The following ZNF641 variants were observed in gnomAD, a reference collection of about 807,000 sequenced individuals.
The protein encoded by ZNF641 is zinc finger protein 641.
In ZNF641, 26 loss-of-function variants were observed where a neutral mutation model predicts 46.2. The ratio of observed to expected loss-of-function variants is 0.56; its 90% confidence interval spans 0.41 to 0.78. The LOEUF (loss-of-function observed/expected upper bound fraction) is 0.78, where lower values mean the gene tolerates loss of function less well. Among genes scored for constraint, ZNF641 ranks in the 30% least tolerant of loss-of-function variants. The probability of loss-of-function intolerance (pLI) is 0.00; values close to 1 mark genes in which losing one functional copy is unlikely to be tolerated. For synonymous variants in ZNF641, 163 were observed against 187.9 expected, an observed-to-expected ratio of 0.87 and a Z score of 1.09; for missense variants, 469 against 517.8, an observed-to-expected ratio of 0.91 and a Z score of 0.91.
intron 1 of ZNF641, chr12:48,350,356 G>A (rs948181260): frequency 8.8e-6 from 6 of 685,398 alleles, no homozygotes; most frequent in Non-Finnish European, 1.3e-5. Context: ...GTAGGGCATG[G>A]GCGGGACGGG....
At chr12:48,344,396 A>G in intron 5 of ZNF641, 2 of 405,138 alleles carry the variant, frequency 4.9e-6, no homozygotes, top group Non-Finnish European at 4.4e-6. Context: ...TACTTTTCCA[A>G]GGTCCCACAA....
In ZNF641 at chr12:48,341,279, C is replaced by T. The variant is rs1328456280; in HGVS notation, c.*1694G>A. 7 of 985,312 alleles carry T rather than the reference C, an allele frequency of 7.1e-6. No individual in the cohort carries two copies. Among genetic ancestry groups the T allele is most frequent in the Non-Finnish European group, 8.4e-6 (7 of 829,936 alleles). 61.0% of individuals were successfully genotyped at this position (985,312 alleles called of 1,614,324 possible). ...TCTTAGGGAAGAAACAGTATCTAAG[C>T]ATTAAAGAGAAAATATCCCACTTTG... On this transcript the variant is annotated 3_prime_UTR_variant, in exon 6 of 6. Coordinates refer to ENST00000547026, the MANE Select transcript of ZNF641 (RefSeq NM_001172681.2).
rs1279018307 is a variant in ZNF641, at chr12:48,337,961, T to A, written c.*5012A>T. 1 of 151,668 alleles carries A rather than the reference T, an allele frequency of 6.6e-6. No homozygotes were observed. The highest frequency in any genetic ancestry group is 1.5e-5 in the Non-Finnish European group (1 of 67,936). 9.4% of individuals were successfully genotyped at this position (151,668 alleles called of 1,614,324 possible). ...GAAGAAGAACCTCTAGGGAATGGAGTAGAGGGGCCAGATTTGGCAGTACTA... is the reference window on the plus strand; with the variant it reads ...GAAGAAGAACCTCTAGGGAATGGAGAAGAGGGGCCAGATTTGGCAGTACTA... On this transcript the variant is annotated 3_prime_UTR_variant, in exon 6 of 6. Transcript: ENST00000547026.
chr12:48,344,204 G>T (rs962487359), intron 5 of ZNF641, among the ~76,000 whole-genome samples: 1 of 152,118 alleles, frequency 6.6e-6, no homozygotes, highest in East Asian at 1.9e-4. Context: ...GACACCTGTC[G>T]GCAGTCCTCA....
downstream of ZNF641, among the ~76,000 whole-genome samples, chr12:48,335,032 T>TC (rs886946232): frequency 1.3e-4 from 20 of 151,732 alleles, no homozygotes; most frequent in South Asian, 1.5e-3. Flanking sequence ...TTTGGGCGCC[T>TC]CCCCCCCACC....
At chr12:48,349,155 GA>G (rs1224092944) in intron 1 of ZNF641, among the ~76,000 whole-genome samples, 1 of 152,044 alleles carries the variant, frequency 6.6e-6, no homozygotes, top group Admixed American at 6.5e-5. Flanking sequence ...AGGTCAAACA[GA>G]AAAAAATGGG....
Position 48,340,915 on chromosome 12 carries a change from G to C in ZNF641, c.*2058C>G. 1 of 985,450 alleles carries C rather than the reference G, an allele frequency of 1.0e-6. No homozygotes were observed. The highest frequency in any genetic ancestry group is 1.2e-6 in the Non-Finnish European group (1 of 829,942). The allele number at this position is 985,450 out of a possible 1,614,324, so 61.0% of individuals were successfully genotyped here. ...CTGATCCTAAAATGCTCCTGTTTCT[G>C]AGAAGCTAGGGCAAGACCTGCCTTA... On this transcript the variant is annotated 3_prime_UTR_variant, in exon 6 of 6. Coordinates refer to ENST00000547026, the MANE Select transcript of ZNF641 (RefSeq NM_001172681.2).
intron 4 of ZNF641, among the ~76,000 whole-genome samples, 179 bp downstream of exon 4, chr12:48,345,166 T>A (rs1046777059): frequency 1.4e-4 from 21 of 152,114 alleles, no homozygotes; most frequent in African/African-American, 4.3e-4. Flanking sequence ...TTTTTTTTTT[T>A]AATGATATTT....
rs531132981 is a variant in ZNF641 at position 48,342,344 on chromosome 12, C to G, written c.*629G>C. The G allele has an allele frequency of 2.0e-6, 2 of 985,600 alleles. No homozygotes were observed. Among genetic ancestry groups the G allele is most frequent in the Admixed American group, 6.1e-5 (1 of 16,302 alleles). 61.1% of individuals were successfully genotyped at this position (985,600 alleles called of 1,614,324 possible). A position where few individuals can be genotyped will look rare whatever the true frequency, so the allele number is the denominator to read the frequency against. ...CCACACATGAACAAGGTCTGGCCCCCCTGGCTTTCATATGGATAAAAAAGG... is the reference window on the plus strand; with the variant it reads ...CCACACATGAACAAGGTCTGGCCCCGCTGGCTTTCATATGGATAAAAAAGG... On this transcript the variant is annotated 3_prime_UTR_variant, in exon 6 of 6. Coordinates refer to ENST00000547026, the MANE Select transcript of ZNF641 (RefSeq NM_001172681.2).
At position 48,342,616 on chromosome 12, in the gene ZNF641, G is replaced by A; in HGVS notation, c.*357C>T. On this transcript the variant is annotated 3_prime_UTR_variant, in exon 6 of 6. Coordinates refer to ENST00000547026, the MANE Select transcript of ZNF641 (RefSeq NM_001172681.2). ...AGAGAAAATATAATAGTAACAGTATGCAAGAGTGATACTCAAAATGTTTAA... is the reference window on the plus strand; with the variant it reads ...AGAGAAAATATAATAGTAACAGTATACAAGAGTGATACTCAAAATGTTTAA... 1 of 411,318 alleles carries A rather than the reference G, an allele frequency of 2.4e-6. No homozygotes were observed. Among genetic ancestry groups the A allele is most frequent in the Non-Finnish European group, 3.5e-6 (1 of 282,814 alleles). 25.5% of individuals were successfully genotyped at this position (411,318 alleles called of 1,614,324 possible).
At position 48,341,931 on chromosome 12, in the gene ZNF641, G is replaced by A. The variant is rs1470315496; in HGVS notation, c.*1042C>T. ...TTCTCCCTTAACCAGACTGCTTCCTGTCTTGAAACAAAGAAAAAACCCCAT... is the reference window on the plus strand; with the variant it reads ...TTCTCCCTTAACCAGACTGCTTCCTATCTTGAAACAAAGAAAAAACCCCAT... On this transcript the variant is annotated 3_prime_UTR_variant, in exon 6 of 6. Coordinates refer to ENST00000547026, the MANE Select transcript of ZNF641 (RefSeq NM_001172681.2). The A allele has an allele frequency of 2.1e-5, 21 of 985,370 alleles. No individual in the cohort carries two copies. Among genetic ancestry groups the A allele is most frequent in the Non-Finnish European group, 2.4e-5 (20 of 829,940 alleles). The allele number at this position is 985,370 out of a possible 1,614,324, so 61.0% of individuals were successfully genotyped here.
Position 48,337,770 on chromosome 12 carries a change from A to C in ZNF641, c.*5203T>G, listed in dbSNP as rs1952632752. ...CGTAAACCTGGGAGGCGGAGCTTGC[A>C]GTGAGCCGAGATCGCGTCACTGCAC... On this transcript the variant is annotated 3_prime_UTR_variant, in exon 6 of 6. Coordinates refer to ENST00000547026, the MANE Select transcript of ZNF641 (RefSeq NM_001172681.2). The C allele has an allele frequency of 6.6e-6, 1 of 151,786 alleles. No homozygotes were observed. The highest frequency in any genetic ancestry group is 2.4e-5 in the African/African-American group (1 of 41,296). The allele number at this position is 151,786 out of a possible 1,614,324, so 9.4% of individuals were successfully genotyped here. A position where few individuals can be genotyped will look rare whatever the true frequency, so the allele number is the denominator to read the frequency against.
intron 4 of ZNF641, among the ~76,000 whole-genome samples, 174 bp downstream of exon 4, chr12:48,345,171 A>G (rs1366632043): frequency 6.6e-6 from 1 of 150,472 alleles, no homozygotes; most frequent in Admixed American, 6.6e-5. Context: ...TTTTTTAATG[A>G]TATTTACTCT....
At position 48,344,721 on chromosome 12, in the gene ZNF641, G is replaced by A; in HGVS notation, c.407-9C>T. 1 of 1,563,774 alleles carries A rather than the reference G, an allele frequency of 6.4e-7. No homozygotes were observed. The stretch of plus-strand genomic sequence containing the variant: ...TTTGGGAATTGGAAATCCTGCTCAT[G>A]GGAAAGGAAAATAGAGCTGTCAATT... On this transcript the variant is annotated splice_polypyrimidine_tract_variant and intron_variant, in intron 4 of 5. Transcript: ENST00000547026.
In ZNF641 at chr12:48,340,220, T is replaced by C. The variant is rs886368547; in HGVS notation, c.*2753A>G. 6.1e-6 allele frequency: 6 copies of C among 985,332 alleles called. No individual in the cohort carries two copies. The highest frequency in any genetic ancestry group is 1.2e-4 in the Admixed American group (2 of 16,268). The allele number at this position is 985,332 out of a possible 1,614,324, so 61.0% of individuals were successfully genotyped here. A position where few individuals can be genotyped will look rare whatever the true frequency, so the allele number is the denominator to read the frequency against. Reference sequence around the variant, plus strand: ...GGTACACCAGAAATAACCCAAAGGATTGCCCCTTCTGTAGAAGGCCCTTAG... The same window carrying C: ...GGTACACCAGAAATAACCCAAAGGACTGCCCCTTCTGTAGAAGGCCCTTAG... On this transcript the variant is annotated 3_prime_UTR_variant, in exon 6 of 6. Coordinates refer to ENST00000547026, the MANE Select transcript of ZNF641 (RefSeq NM_001172681.2).
Position 48,340,613 on chromosome 12 carries a change from CG to C in ZNF641, c.*2359del. 1 of 985,412 alleles carries C rather than the reference CG, an allele frequency of 1.0e-6. No individual in the cohort carries two copies. The highest frequency in any genetic ancestry group is 1.1e-4 in the East Asian group (1 of 8,814). The allele number at this position is 985,412 out of a possible 1,614,324, so 61.0% of individuals were successfully genotyped here. ...CAAATATATAATGACCATTTTAGAT[CG>C]GGGAACTCCCTTTCTTTGAAGGCAG... On this transcript the variant is annotated 3_prime_UTR_variant, in exon 6 of 6. Coordinates refer to ENST00000547026, the MANE Select transcript of ZNF641 (RefSeq NM_001172681.2).
At chr12:48,344,394 C>A in intron 5 of ZNF641, 1 of 396,432 alleles carries the variant, frequency 2.5e-6, no homozygotes, top group South Asian at 6.7e-5. Context: ...ATTACTTTTC[C>A]AAGGTCCCAC....
chr12:48,344,791 C>T, intron 4 of ZNF641, 79 bp from the exon 5 acceptor site: 2 of 887,514 alleles, frequency 2.3e-6, no homozygotes, highest in South Asian at 3.3e-5. Context: ...ATACAAAAAA[C>T]TGTTTCCTAT....
At chr12:48,348,793 G>A (rs1244070252) in intron 1 of ZNF641, among the ~76,000 whole-genome samples, 1 of 152,204 alleles carries the variant, frequency 6.6e-6, no homozygotes, top group Admixed American at 6.5e-5. Flanking sequence ...AAGAGAAATT[G>A]TTGGTCTGTG....
Sources: gnomAD v4.1 joint callset for allele counts (sites outside exome capture counted in the v4.1 genomes callset) on GRCh38, gnomAD v4.1.1 for gene constraint, MANE v1.5 for transcripts, NCBI Gene and HGNC (gene_info 2026-07-23, HGNC 2026-07-21) for gene names.